SLC35F4: variants seen among roughly 807,000 people sequenced by gnomAD.
The protein encoded by SLC35F4 is chromosome 14 open reading frame 36.
A neutral mutation model predicts 44.2 loss-of-function variants in SLC35F4; 24 were observed. That is an observed-to-expected ratio of 0.54 (90% CI 0.39 to 0.76). The LOEUF (loss-of-function observed/expected upper bound fraction) is 0.76. Ranked by LOEUF, SLC35F4 falls within the 30% of genes least tolerant of loss-of-function variation. The pLI is 0.00. For missense variants in SLC35F4, 562 were observed against 586.1 expected (o/e 0.96, Z 0.42); for synonymous variants, 238 against 223.6 (o/e 1.06, Z -0.57).
chr14:57,907,887 T>C (rs1003446376), intron 1 of SLC35F4, among the ~76,000 whole-genome samples: 1 of 152,114 alleles, frequency 6.6e-6, no homozygotes, highest in Non-Finnish European at 1.5e-5. Context: ...CATAAGTATA[T>C]GTGTGCCATG....
chr14:57,854,953 TA>T (rs1194063410), intron 1 of SLC35F4, among the ~76,000 whole-genome samples: 5 of 152,200 alleles, frequency 3.3e-5, no homozygotes, highest in African/African-American at 1.2e-4. Context: ...TAATTTTTAA[TA>T]ACAACAATTT....
At chr14:57,656,372 T>TAC (rs917225966) in intron 1 of SLC35F4, among the ~76,000 whole-genome samples, 2 of 86,166 alleles carry the variant, frequency 2.3e-5, no homozygotes, top group African/African-American at 1.2e-4. Flanking sequence ...TATATATATA[T>TAC]ATATACACAC....
chr14:57,814,023 G>A (rs8020155), intron 1 of SLC35F4, among the ~76,000 whole-genome samples: 4,562 of 152,258 alleles, frequency 0.03, 209 homozygotes, highest in African/African-American at 0.1. Context: ...GCAGTTACCC[G>A]TAATCAGTCC....
At chr14:57,800,405 G>A (rs1213635982) in intron 1 of SLC35F4, among the ~76,000 whole-genome samples, 1 of 152,174 alleles carries the variant, frequency 6.6e-6, no homozygotes, top group African/African-American at 2.4e-5. Flanking sequence ...ACAAAGATGA[G>A]AAAGAATCAA....
chr14:57,789,816 C>G (rs1449889391), intron 1 of SLC35F4, among the ~76,000 whole-genome samples: 1 of 152,188 alleles, frequency 6.6e-6, no homozygotes, highest in Non-Finnish European at 1.5e-5. Context: ...TTGGCTTCAT[C>G]CCTGGAATGC....
At chr14:57,888,398 C>T (rs1888695913) in intron 1 of SLC35F4, among the ~76,000 whole-genome samples, 1 of 152,198 alleles carries the variant, frequency 6.6e-6, no homozygotes, top group Non-Finnish European at 1.5e-5. Context: ...GTAGAAGATG[C>T]AGACTCTGGG....
At chr14:57,808,617 G>A (rs563770201) in intron 1 of SLC35F4, among the ~76,000 whole-genome samples, 1 of 151,868 alleles carries the variant, frequency 6.6e-6, no homozygotes, top group East Asian at 1.9e-4. Context: ...GGGCAATATG[G>A]CAAGATCCCA....
chr14:57,850,821 A>G (rs1334817162), intron 1 of SLC35F4, among the ~76,000 whole-genome samples: 1 of 152,186 alleles, frequency 6.6e-6, no homozygotes, highest in Admixed American at 6.5e-5. Context: ...TGACCTTAAC[A>G]TTGAAACGGA....
intron 1 of SLC35F4, among the ~76,000 whole-genome samples, chr14:57,965,961 C>G (rs1250035675): frequency 1.3e-5 from 2 of 152,160 alleles, no homozygotes; most frequent in Non-Finnish European, 2.9e-5. Context: ...ACAGAGCAGG[C>G]CTTGACAAAG....
chr14:57,567,500 C>T (rs2068265388), intron 6 of SLC35F4, among the ~76,000 whole-genome samples: 1 of 152,188 alleles, frequency 6.6e-6, no homozygotes, highest in Non-Finnish European at 1.5e-5. Flanking sequence ...GTAATTCCCG[C>T]TTTAAGCCCA....
chr14:57,599,071 C>A (rs1284124039), intron 1 of SLC35F4, among the ~76,000 whole-genome samples: 1 of 152,228 alleles, frequency 6.6e-6, no homozygotes, highest in Non-Finnish European at 1.5e-5. Flanking sequence ...AAGGATTAGA[C>A]AAAATGATTT....
rs112370808 is a variant in SLC35F4 at position 57,786,506 on chromosome 14, G to A, written c.103+79217C>T. ...AACCACCAAAGCTAAGAACCCTCAC[G>A]GAGTCCATTGCACTCCCTTGTCATG... On this transcript the variant is annotated intron_variant, in intron 1 of 7. Coordinates refer to ENST00000556826, the MANE Select transcript of SLC35F4 (RefSeq NM_001306087.2). Among the ~76,000 whole-genome samples, 867 of 152,198 alleles carry A rather than the reference G, an allele frequency of 5.7e-3. 6 individuals carry two copies. The highest frequency in any genetic ancestry group is 0.019 in the African/African-American group (808 of 41,530).
In SLC35F4 at chr14:57,792,293, C is replaced by G. The variant is rs189414376; in HGVS notation, c.103+73430G>C. ...GGCATGGATGTGGTGATCAGTGAAC[C>G]CTTCTACACTGCTGGTAGGAATGTA... On this transcript the variant is annotated intron_variant, in intron 1 of 7. Coordinates refer to ENST00000556826, the MANE Select transcript of SLC35F4 (RefSeq NM_001306087.2). Among the ~76,000 whole-genome samples the G allele has an allele frequency of 6.4e-3, 975 of 151,922 alleles. 6 individuals carry two copies. Among genetic ancestry groups the G allele is most frequent in the Middle Eastern group, 0.021 (6 of 290 alleles).
intron 1 of SLC35F4, among the ~76,000 whole-genome samples, chr14:57,860,827 C>T (rs750156865): frequency 8.5e-5 from 13 of 152,172 alleles, no homozygotes; most frequent in Non-Finnish European, 1.6e-4. Flanking sequence ...TGGACCCTAC[C>T]ATCTGTTCCC....
chr14:57,573,798 G>A (rs1394145806), intron 4 of SLC35F4, among the ~76,000 whole-genome samples: 1 of 152,192 alleles, frequency 6.6e-6, no homozygotes, highest in Non-Finnish European at 1.5e-5. Context: ...TGCACAAATA[G>A]ATTTCCTTCA....
chr14:57,664,677 C>G (rs1007869808), intron 1 of SLC35F4, among the ~76,000 whole-genome samples: 2 of 152,160 alleles, frequency 1.3e-5, no homozygotes, highest in Non-Finnish European at 2.9e-5. Flanking sequence ...TCCCAAAGTG[C>G]TGGGATTACA....
At chr14:57,799,315 A>G (rs1344909297) in intron 1 of SLC35F4, 2 of 152,278 alleles carry the variant, frequency 1.3e-5, no homozygotes, top group Non-Finnish European at 2.9e-5. Context: ...ATCCCTCGTG[A>G]GCCCACGCCA....
At chr14:57,776,665 C>CAAAAAAAAAA (rs57272978) in intron 1 of SLC35F4, among the ~76,000 whole-genome samples, 8 of 72,066 alleles carry the variant, frequency 1.1e-4, no homozygotes, top group African/African-American at 2.3e-4. Flanking sequence ...GACTCCATCT[C>CAAAAAAAAAA]AAAAAAAAAA....
At chr14:57,867,352 T>C (rs1362559373), upstream of SLC35F4, among the ~76,000 whole-genome samples, 2 of 152,216 alleles carry the variant, frequency 1.3e-5, no homozygotes, top group East Asian at 1.9e-4. Flanking sequence ...TTTTACAATA[T>C]GTTTTGGGTT....
Sources: gnomAD v4.1 joint callset for allele counts (sites outside exome capture counted in the v4.1 genomes callset) on GRCh38, gnomAD v4.1.1 for gene constraint, MANE v1.5 for transcripts, NCBI Gene and HGNC (gene_info 2026-07-23, HGNC 2026-07-21) for gene names.